Variants in CSMD3 observed in about 807,000 individuals in gnomAD.
CSMD3 encodes the protein CUB and sushi domain-containing protein 3.
Under a neutral mutation model 435.2 loss-of-function variants are expected in CSMD3, and 177 were observed. That is an observed-to-expected ratio of 0.41 (90% CI 0.36 to 0.46). CSMD3 has a LOEUF of 0.46. CSMD3 is among the 20% of genes least tolerant of loss of function. The pLI is 0.34. For missense variants in CSMD3, 4,265 were observed against 4,504.6 expected (o/e 0.95, Z 1.52); for synonymous variants, 1,656 against 1,520.5 (o/e 1.09, Z -2.07).
intron 3 of CSMD3, among the ~76,000 whole-genome samples, chr8:113,232,995 G>C (rs2093105888): frequency 6.6e-6 from 1 of 151,854 alleles, no homozygotes; most frequent in Admixed American, 6.6e-5. Flanking sequence ...AGTTGAGTTA[G>C]ACTTTGTAGG....
intron 22 of CSMD3, among the ~76,000 whole-genome samples, chr8:112,628,918 C>A (rs550432396): frequency 6.6e-6 from 1 of 152,110 alleles, no homozygotes; most frequent in East Asian, 1.9e-4. Context: ...CAGAATTTAT[C>A]TTAAGGGCAG....
At chr8:112,778,289 G>A (rs1263780059) in intron 13 of CSMD3, among the ~76,000 whole-genome samples, 1 of 151,884 alleles carries the variant, frequency 6.6e-6, no homozygotes, top group East Asian at 1.9e-4. Flanking sequence ...GTTTTGAAAA[G>A]TATGATGGCA....
At chr8:113,247,256 G>A (rs1172584541) in intron 3 of CSMD3, among the ~76,000 whole-genome samples, 1 of 152,114 alleles carries the variant, frequency 6.6e-6, no homozygotes, top group East Asian at 1.9e-4. Flanking sequence ...TTCCCACTGA[G>A]CAGTTCTGGC....
intron 63 of CSMD3, among the ~76,000 whole-genome samples, chr8:112,250,065 C>T (rs1290539100): frequency 6.6e-6 from 1 of 152,014 alleles, no homozygotes; most frequent in Non-Finnish European, 1.5e-5. Context: ...TCTTAAAATG[C>T]AGTGATATCA....
At chr8:112,586,676 G>T (rs1259502865) in intron 23 of CSMD3, among the ~76,000 whole-genome samples, 1 of 150,712 alleles carries the variant, frequency 6.6e-6, no homozygotes, top group Non-Finnish European at 1.5e-5. Context: ...AATACAAATA[G>T]AAACAAGTCA....
chr8:112,773,580 G>A (rs897160592), intron 13 of CSMD3, among the ~76,000 whole-genome samples: 4 of 151,960 alleles, frequency 2.6e-5, no homozygotes, highest in Non-Finnish European at 4.4e-5. Flanking sequence ...GAAACTTAAG[G>A]AAGTAAGAGT....
chr8:112,810,473 T>C (rs533289877), intron 12 of CSMD3, among the ~76,000 whole-genome samples: 4 of 152,094 alleles, frequency 2.6e-5, no homozygotes, highest in Non-Finnish European at 5.9e-5. Flanking sequence ...AGTCCAAATA[T>C]CAATATAGAA....
At chr8:112,273,038 T>C (rs1367457611) in intron 59 of CSMD3, among the ~76,000 whole-genome samples, 1 of 152,182 alleles carries the variant, frequency 6.6e-6, no homozygotes, top group Non-Finnish European at 1.5e-5. Flanking sequence ...TTTGAAGAAC[T>C]GACAGAAACA....
intron 27 of CSMD3, among the ~76,000 whole-genome samples, chr8:112,538,596 A>C (rs959217997): frequency 1.3e-5 from 2 of 152,134 alleles, no homozygotes; most frequent in Non-Finnish European, 2.9e-5. Context: ...AATCCCATTT[A>C]CAATAGCTAC....
At chr8:112,311,245 G>T in intron 49 of CSMD3, 79 bp from the exon 50 acceptor site, 1 of 1,116,206 alleles carries the variant, frequency 9.0e-7, no homozygotes, top group South Asian at 1.3e-5. Flanking sequence ...CCTATACAGC[G>T]ACTAGTGCTT....
Position 112,379,814 on chromosome 8 carries a change from G to T in CSMD3, c.6136+538C>A, listed in dbSNP as rs373861360. 4.7e-4 allele frequency among the ~76,000 whole-genome samples: 71 copies of T among 152,214 alleles called. 2 individuals carry two copies. In the South Asian group the frequency reaches 0.014, roughly 31 times the overall value. On this transcript the variant is annotated intron_variant, in intron 38 of 70. Transcript: ENST00000297405. Reference sequence around the variant, plus strand: ...AACAGTGTAGTACCGGATAAAAACAGATATACAGACCAAAGGACATCCAGA... The same window carrying T: ...AACAGTGTAGTACCGGATAAAAACATATATACAGACCAAAGGACATCCAGA...
At chr8:112,894,858 A>ACACAC (rs1411664331) in intron 10 of CSMD3, among the ~76,000 whole-genome samples, 2 of 151,488 alleles carry the variant, frequency 1.3e-5, no homozygotes, top group East Asian at 3.9e-4. Flanking sequence ...TTGAAAAAAA[A>ACACAC]ACACACACAC....
rs570970354 is a variant in CSMD3, at chr8:113,270,843, G to A, written c.514+7749C>T. Among the ~76,000 whole-genome samples the A allele has an allele frequency of 2.0e-5, 3 of 151,856 alleles. No homozygotes were observed. In the South Asian group the frequency reaches 6.3e-4, roughly 32 times the overall value. On this transcript the variant is annotated intron_variant, in intron 3 of 70. Coordinates refer to ENST00000297405, the MANE Select transcript of CSMD3 (RefSeq NM_198123.2). ...CCTGTTGTGGGGTGGGAGGAGGGGG[G>A]AGGGATAGCATTAAGAGATATACCT...
chr8:113,386,688 A>G (rs1563770750), intron 1 of CSMD3, among the ~76,000 whole-genome samples: 1 of 151,866 alleles, frequency 6.6e-6, no homozygotes. Flanking sequence ...ATTAGACTAC[A>G]TTCACCAATC....
intron 3 of CSMD3, 72 bp downstream of exon 3, chr8:113,278,520 T>C: frequency 2.6e-6 from 2 of 759,826 alleles, no homozygotes; most frequent in Non-Finnish European, 4.8e-6. Flanking sequence ...ATGTTGATTC[T>C]TCTTTCCTAC....
intron 13 of CSMD3, among the ~76,000 whole-genome samples, chr8:112,710,977 C>G (rs138946263): frequency 1.3e-5 from 2 of 151,962 alleles, no homozygotes; most frequent in African/African-American, 4.8e-5. Flanking sequence ...CCCAGCCAGC[C>G]AACAGGGTAA....
At chr8:113,257,925 G>C (rs1324245063) in intron 3 of CSMD3, among the ~76,000 whole-genome samples, 2 of 152,032 alleles carry the variant, frequency 1.3e-5, no homozygotes, top group African/African-American at 4.8e-5. Flanking sequence ...TTTATGTAAA[G>C]TAACACTGCC....
intron 42 of CSMD3, among the ~76,000 whole-genome samples, chr8:112,339,716 T>C (rs945876982): frequency 6.6e-6 from 1 of 152,188 alleles, no homozygotes; most frequent in African/African-American, 2.4e-5. Context: ...AATTGTACAG[T>C]ATAACTTTTC....
chr8:112,741,044 G>C (rs1302209611), intron 13 of CSMD3, among the ~76,000 whole-genome samples: 1 of 151,788 alleles, frequency 6.6e-6, no homozygotes, highest in Admixed American at 6.6e-5. Context: ...CCAGCAAGAG[G>C]TCAGAGGATA....
Sources: allele counts gnomAD v4.1 joint callset (sites outside exome capture counted in the v4.1 genomes callset), GRCh38; gene constraint gnomAD v4.1.1; transcripts MANE v1.5; gene names NCBI Gene and HGNC (gene_info 2026-07-23, HGNC 2026-07-21).